CCDC50: variants seen among roughly 807,000 people sequenced by gnomAD.
The protein encoded by CCDC50 is coiled-coil domain containing 50.
In CCDC50, 54 loss-of-function variants were observed where a neutral mutation model predicts 70.2. The observed-to-expected ratio is 0.77, with a 90% CI of 0.62 to 0.96. CCDC50 has a LOEUF of 0.96. Among genes scored for constraint, CCDC50 ranks in the 50% least tolerant of loss-of-function variants. CCDC50 has a pLI of 0.00. For missense variants in CCDC50, 558 were observed against 578.7 expected (o/e 0.96, Z 0.37); for synonymous variants, 216 against 198.8 (o/e 1.09, Z -0.73).
In CCDC50 at chr3:191,389,724, A is replaced by G. The variant is rs534253369; in HGVS notation, c.1429+122A>G. On this transcript the variant is annotated intron_variant, in intron 11 of 11. Transcript: ENST00000392455. Reference sequence around the variant, plus strand: ...GAAAAATAAGTTATTCTGTCAGCACATTGTTATAGAACTCCTCATTTATTA... The same window carrying G: ...GAAAAATAAGTTATTCTGTCAGCACGTTGTTATAGAACTCCTCATTTATTA... 1.2e-3 allele frequency: 905 copies of G among 759,006 alleles called. 16 individuals carry two copies. In the South Asian group the frequency reaches 0.013, roughly 11 times the overall value. The allele number at this position is 759,006 out of a possible 1,614,324, so 47.0% of individuals were successfully genotyped here. A position where few individuals can be genotyped will look rare whatever the true frequency, so the allele number is the denominator to read the frequency against.
chr3:191,356,842 CA>C (rs1374867281), intron 1 of CCDC50, among the ~76,000 whole-genome samples: 1 of 152,182 alleles, frequency 6.6e-6, no homozygotes, highest in Non-Finnish European at 1.5e-5. Context: ...CACCTCAGGC[CA>C]GGGGCCAAGG....
intron 3 of CCDC50, among the ~76,000 whole-genome samples, chr3:191,358,939 CT>C (rs1712390901): frequency 6.6e-6 from 1 of 152,160 alleles, no homozygotes. Context: ...AAGGGTTTGT[CT>C]TTCTGTTTAT....
intron 3 of CCDC50, among the ~76,000 whole-genome samples, chr3:191,359,171 A>G (rs1218845407): frequency 2.6e-5 from 4 of 152,296 alleles, no homozygotes; most frequent in Non-Finnish European, 5.9e-5. Flanking sequence ...TTTCAGGCCT[A>G]TTTAGAGAGA....
chr3:191,332,790 C>A (rs1560152788), intron 1 of CCDC50, among the ~76,000 whole-genome samples: 1 of 152,198 alleles, frequency 6.6e-6, no homozygotes, highest in Non-Finnish European at 1.5e-5. Context: ...CTCCCTACTT[C>A]CTTTTGCTCT....
At chr3:191,361,721 T>C (rs1487445570) in intron 4 of CCDC50, among the ~76,000 whole-genome samples, 1 of 152,206 alleles carries the variant, frequency 6.6e-6, no homozygotes, top group Non-Finnish European at 1.5e-5. Context: ...CTTAACTAAT[T>C]ACATCTGCAA....
chr3:191,346,563 A>T (rs542560816), intron 1 of CCDC50, among the ~76,000 whole-genome samples: 15 of 152,296 alleles, frequency 9.8e-5, no homozygotes, highest in East Asian at 3.9e-4. Flanking sequence ...TGCTACATGG[A>T]TGATTATCCA....
chr3:191,371,100 A>C (rs1296086054), intron 5 of CCDC50, among the ~76,000 whole-genome samples: 1 of 152,168 alleles, frequency 6.6e-6, no homozygotes, highest in Non-Finnish European at 1.5e-5. Context: ...CCGATGGTTT[A>C]GCCTGCTGAT....
At chr3:191,379,440 A>G (rs1713231055) in intron 6 of CCDC50, among the ~76,000 whole-genome samples, 1 of 152,148 alleles carries the variant, frequency 6.6e-6, no homozygotes, top group Non-Finnish European at 1.5e-5. Context: ...TGAATATAAT[A>G]CACTCACACT....
intron 1 of CCDC50, among the ~76,000 whole-genome samples, chr3:191,353,152 G>A (rs373793473): frequency 2.1e-5 from 3 of 141,782 alleles, no homozygotes; most frequent in Admixed American, 7.2e-5. Flanking sequence ...AGAGTTGTAC[G>A]GCTTTTAATG....
chr3:191,373,975 A>G (rs1164891844), intron 5 of CCDC50, among the ~76,000 whole-genome samples: 6 of 152,176 alleles, frequency 3.9e-5, no homozygotes, highest in Non-Finnish European at 8.8e-5. Flanking sequence ...TTTTCTTTAC[A>G]TCTCATCAAC....
chr3:191,329,527 G>A lies in CCDC50; in HGVS notation c.-148G>A, dbSNP rs1463228852. The A allele has an allele frequency of 6.1e-6, 4 of 660,946 alleles. No homozygotes were observed. Among genetic ancestry groups the A allele is most frequent in the East Asian group, 3.5e-5 (1 of 28,376 alleles). The allele number at this position is 660,946 out of a possible 1,614,324, so 40.9% of individuals were successfully genotyped here. On this transcript the variant is annotated 5_prime_UTR_variant, in exon 1 of 12. Transcript: ENST00000392455. ...CTGCTTTGGTCACCAGCCCCTGCCCGCCCGACCCGCTCCGTTCTCCGGCCT... is the reference window on the plus strand; with the variant it reads ...CTGCTTTGGTCACCAGCCCCTGCCCACCCGACCCGCTCCGTTCTCCGGCCT...
chr3:191,358,403 AT>A (rs1452330191), intron 3 of CCDC50, among the ~76,000 whole-genome samples: 2 of 152,010 alleles, frequency 1.3e-5, no homozygotes, highest in African/African-American at 4.8e-5. Context: ...CTCTGAATTT[AT>A]TTTCCTTACC....
intron 1 of CCDC50, among the ~76,000 whole-genome samples, chr3:191,334,880 A>AT (rs1427913083): frequency 2.6e-5 from 4 of 152,148 alleles, no homozygotes; most frequent in African/African-American, 9.7e-5. Flanking sequence ...TTAACATACA[A>AT]TTTTTTACAA....
intron 10 of CCDC50, among the ~76,000 whole-genome samples, chr3:191,387,872 C>G (rs1410458826): frequency 6.6e-6 from 1 of 152,120 alleles, no homozygotes; most frequent in African/African-American, 2.4e-5. Flanking sequence ...GAAGAACAGA[C>G]TGGGTCATTC....
chr3:191,357,212 G>T, intron 2 of CCDC50, 62 bp downstream of exon 2: 1 of 1,334,684 alleles, frequency 7.5e-7, no homozygotes, highest in Admixed American at 1.7e-5. Context: ...GCTTGAGGCT[G>T]GTTTCTTAGG....
rs906305256 is a variant in CCDC50 at position 191,394,612 on chromosome 3, T to G, written c.*2852T>G. 6 of 152,166 alleles carry G rather than the reference T, an allele frequency of 3.9e-5. No homozygotes were observed. The highest frequency in any genetic ancestry group is 1.4e-4 in the African/African-American group (6 of 41,448). The allele number at this position is 152,166 out of a possible 1,614,324, so 9.4% of individuals were successfully genotyped here. On this transcript the variant is annotated 3_prime_UTR_variant, in exon 12 of 12. Transcript: ENST00000392455. Reference sequence around the variant, plus strand: ...CCTTTCTGTTTCTGTATCTTTGTCCTTTGGAGGCCAGGCCTCATTAACACC... The same window carrying G: ...CCTTTCTGTTTCTGTATCTTTGTCCGTTGGAGGCCAGGCCTCATTAACACC...
chr3:191,351,186 C>G (rs1416743777), intron 1 of CCDC50, among the ~76,000 whole-genome samples: 1 of 142,040 alleles, frequency 7.0e-6, no homozygotes, highest in Non-Finnish European at 1.6e-5. Context: ...TTTAAAATAA[C>G]AATCTGAAAT....
chr3:191,379,183 C>T (rs978888263), intron 6 of CCDC50, among the ~76,000 whole-genome samples: 2 of 151,950 alleles, frequency 1.3e-5, no homozygotes, highest in Non-Finnish European at 2.9e-5. Flanking sequence ...AGATTTAAAA[C>T]AAACTTACTC....
chr3:191,336,023 T>G (rs1374540072), intron 1 of CCDC50, among the ~76,000 whole-genome samples: 1 of 152,114 alleles, frequency 6.6e-6, no homozygotes, highest in Non-Finnish European at 1.5e-5. Context: ...GTAAGTAGTT[T>G]TTTGAGTCTC....
Sources: gnomAD v4.1 joint callset for allele counts (sites outside exome capture counted in the v4.1 genomes callset) on GRCh38, gnomAD v4.1.1 for gene constraint, MANE v1.5 for transcripts, NCBI Gene and HGNC (gene_info 2026-07-23, HGNC 2026-07-21) for gene names.